Variants in PRH1 observed in about 807,000 individuals in gnomAD.
PRH1 encodes the protein proline rich protein HaeIII subfamily 1.
Under a neutral mutation model 7.9 loss-of-function variants are expected in PRH1, and 7 were observed. That is an observed-to-expected ratio of 0.89 (90% CI 0.50 to 1.67). PRH1 has a LOEUF of 1.67. Among genes scored for constraint, PRH1 ranks in the 40% most tolerant of loss-of-function variants. The probability of loss-of-function intolerance (pLI) is 0.00; values close to 1 mark genes in which losing one functional copy is unlikely to be tolerated. For synonymous variants in PRH1, 45 were observed against 80.8 expected, an observed-to-expected ratio of 0.56 and a Z score of 2.38; for missense variants, 109 against 223.6, an observed-to-expected ratio of 0.49 and a Z score of 3.27.
chr12:11,130,012 A>G (rs34483979), intron 1 of PRH1, among the ~76,000 whole-genome samples: 32,118 of 151,954 alleles, frequency 0.21, 3,978 homozygotes, highest in Non-Finnish European at 0.27. Context: ...TTAGCCAGGC[A>G]TGGTGTTGTG....
intron 1 of PRH1, among the ~76,000 whole-genome samples, chr12:11,156,857 T>C (rs970488113): frequency 2.6e-4 from 40 of 151,262 alleles, no homozygotes; most frequent in African/African-American, 9.0e-4. Context: ...TTTTTTTTTT[T>C]TTTTTTTAGA....
intron 1 of PRH1, among the ~76,000 whole-genome samples, chr12:11,170,440 A>G (rs34032935): frequency 0.45 from 69,098 of 151,940 alleles, 16,486 homozygotes; most frequent in Non-Finnish European, 0.52. Context: ...CCAGCTACTC[A>G]GGAGGCTGAG....
intron 1 of PRH1, among the ~76,000 whole-genome samples, chr12:10,980,546 A>C (rs754573486): frequency 3.2e-4 from 49 of 152,058 alleles, no homozygotes; most frequent in Non-Finnish European, 5.4e-4. Flanking sequence ...AATGAGAAAT[A>C]TGTAAATAGA....
chr12:10,978,440 A>G (rs564242666), intron 1 of PRH1, among the ~76,000 whole-genome samples: 14 of 152,334 alleles, frequency 9.2e-5, no homozygotes, highest in Non-Finnish European at 1.6e-4. Flanking sequence ...ACTAAAATGT[A>G]AAACCTAAAA....
Position 10,938,937 on chromosome 12 carries a change from C to T in PRH1, c.-59+34718G>A, listed in dbSNP as rs1365830788. On this transcript the variant is annotated intron_variant, in intron 2 of 3. Coordinates refer to the PRH1 transcript ENST00000539853. ...AACCAGACACTAAAATGATTGATCACTGTCCAGATATTAGTAAGCATTCTG... is the reference window on the plus strand; with the variant it reads ...AACCAGACACTAAAATGATTGATCATTGTCCAGATATTAGTAAGCATTCTG... 1.9e-5 allele frequency: 30 copies of T among 1,613,812 alleles called. No homozygotes were observed. Among genetic ancestry groups the T allele is most frequent in the Non-Finnish European group, 2.5e-5 (30 of 1,179,976 alleles).
intron 1 of PRH1, among the ~76,000 whole-genome samples, chr12:11,165,188 C>T (rs1051080462): frequency 8.5e-5 from 13 of 152,142 alleles, no homozygotes; most frequent in African/African-American, 2.9e-4. Context: ...AACTATCAAA[C>T]TCAACCAAAG....
intron 1 of PRH1, among the ~76,000 whole-genome samples, chr12:11,027,159 C>A (rs1301667485): frequency 6.3e-3 from 542 of 86,652 alleles, no homozygotes; most frequent in South Asian, 0.023. Flanking sequence ...CAGCTGCTAG[C>A]AATGCAGAGG....
intron 1 of PRH1, among the ~76,000 whole-genome samples, chr12:11,158,549 C>CTCTA (rs1347920721): frequency 1.7e-4 from 26 of 152,138 alleles, no homozygotes; most frequent in Non-Finnish European, 3.5e-4. Context: ...GTCTCACATA[C>CTCTA]TCTATTGTTA....
chr12:11,126,992 C>A (rs183421466), intron 1 of PRH1, among the ~76,000 whole-genome samples: 2 of 151,572 alleles, frequency 1.3e-5, no homozygotes, highest in East Asian at 3.9e-4. Context: ...TACCAATGGA[C>A]AAGTTTCCCT....
At chr12:11,054,795 CTTTTTT>C (rs71051560) in intron 1 of PRH1, among the ~76,000 whole-genome samples, 6 of 52,798 alleles carry the variant, frequency 1.1e-4, no homozygotes, top group African/African-American at 4.1e-4. Context: ...TCTGATGTTT[CTTTTTT>C]TTTTTTTTTT....
At chr12:10,974,055 T>C (rs767983562) in intron 1 of PRH1, among the ~76,000 whole-genome samples, 1 of 152,244 alleles carries the variant, frequency 6.6e-6, no homozygotes. Context: ...TTTAATACTA[T>C]AGACAAGAAT....
chr12:10,984,333 T>C (rs1939501640), intron 1 of PRH1, among the ~76,000 whole-genome samples: 2 of 152,208 alleles, frequency 1.3e-5, no homozygotes, highest in South Asian at 4.1e-4. Flanking sequence ...TACAATTGTA[T>C]AATGGCCATA....
At chr12:10,896,129 A>G (rs1234986311) in intron 2 of PRH1, among the ~76,000 whole-genome samples, 1 of 152,176 alleles carries the variant, frequency 6.6e-6, no homozygotes, top group Non-Finnish European at 1.5e-5. Context: ...CCCTGCTACT[A>G]TTGACTCTGG....
intron 1 of PRH1, among the ~76,000 whole-genome samples, chr12:11,007,430 C>T (rs993170359): frequency 2.6e-4 from 40 of 152,150 alleles, no homozygotes; most frequent in African/African-American, 7.7e-4. Context: ...GTTTTCAGAC[C>T]AGAATAATAT....
At chr12:10,908,231 T>G in intron 2 of PRH1, 1 of 600,002 alleles carries the variant, frequency 1.7e-6, no homozygotes, top group Non-Finnish European at 2.8e-6. Context: ...GGTAAGATGC[T>G]ATTATAGAGA....
chr12:11,099,938 T>C (rs1945186027), intron 1 of PRH1, among the ~76,000 whole-genome samples: 1 of 152,134 alleles, frequency 6.6e-6, no homozygotes, highest in Admixed American at 6.5e-5. Context: ...CTAGAAGAAA[T>C]CCTTTGGAGA....
chr12:11,156,968 C>A (rs1487069297), intron 1 of PRH1, among the ~76,000 whole-genome samples: 1 of 151,896 alleles, frequency 6.6e-6, no homozygotes, highest in African/African-American at 2.4e-5. Context: ...GCCTCAGCCT[C>A]CCGAGTAGCT....
At chr12:11,099,913 G>A (rs1945184954) in intron 1 of PRH1, among the ~76,000 whole-genome samples, 5 of 152,182 alleles carry the variant, frequency 3.3e-5, no homozygotes, top group Admixed American at 1.3e-4. Flanking sequence ...TGTCCTGTGA[G>A]GTGGATAATT....
intron 2 of PRH1, chr12:10,939,078 C>T (rs777955705): frequency 8.7e-6 from 14 of 1,613,848 alleles, no homozygotes; most frequent in Non-Finnish European, 7.6e-6. Flanking sequence ...ATCCGATCAA[C>T]CGAAGAGATC....
Sources: allele counts gnomAD v4.1 joint callset (sites outside exome capture counted in the v4.1 genomes callset), GRCh38; gene constraint gnomAD v4.1.1; transcripts MANE v1.5; gene names NCBI Gene and HGNC (gene_info 2026-07-23, HGNC 2026-07-21).